The following MRTFA variants were observed in gnomAD, a reference collection of about 807,000 sequenced individuals.
MRTFA encodes the protein myocardin related transcription factor A, also known as myocardin-related transcription factor A.
In MRTFA, 20 loss-of-function variants were observed where a neutral mutation model predicts 83.5. The observed-to-expected ratio is 0.24, with a 90% CI of 0.17 to 0.35. The LOEUF is 0.35. MRTFA is among the 10% of genes least tolerant of loss of function. The pLI is 1.00. For missense variants in MRTFA, 1,200 were observed against 1,224.7 expected, an observed-to-expected ratio of 0.98 and a Z score of 0.30; for synonymous variants, 659 against 541.2, an observed-to-expected ratio of 1.22 and a Z score of -3.02.
chr22:40,584,558 GA>G (rs1044470796), intron 2 of MRTFA, among the ~76,000 whole-genome samples: 1 of 152,020 alleles, frequency 6.6e-6, no homozygotes, highest in Non-Finnish European at 1.5e-5. Context: ...CCAACATGGA[GA>G]AAACCTGTCT....
chr22:40,491,008 T>A (rs1569294411), intron 3 of MRTFA, among the ~76,000 whole-genome samples: 1 of 152,158 alleles, frequency 6.6e-6, no homozygotes, highest in Non-Finnish European at 1.5e-5. Flanking sequence ...CTCAAATGTG[T>A]CCATTCTACT....
At chr22:40,457,155 AG>A (rs1372061823) in intron 4 of MRTFA, among the ~76,000 whole-genome samples, 1 of 152,168 alleles carries the variant, frequency 6.6e-6, no homozygotes, top group Non-Finnish European at 1.5e-5. Context: ...ACCTGAGGTC[AG>A]GAGTTCAAGA....
In MRTFA at chr22:40,417,463, C is replaced by A. The variant is rs748963482; in HGVS notation, c.2395G>T (p.Ala799Ser). Reference sequence around the variant, plus strand: ...TCCAGGTCCATCTGGGCAGAGGGGGCAGGCGCTGGAGAGCCAGGCTGGGAC... The same window carrying A: ...TCCAGGTCCATCTGGGCAGAGGGGGAAGGCGCTGGAGAGCCAGGCTGGGAC... Residue 799 changes from alanine (A) to serine (S), a missense_variant, in exon 13 of 15, where the codon GCC becomes TCC. Ala to Ser is a moderately conservative substitution (Grantham distance 99, BLOSUM62 1). This residue lies in a region of MRTFA where 1,107 missense variants were observed against 1,041.8 expected (regional missense o/e 1.06). Coordinates refer to ENST00000355630, the MANE Select transcript of MRTFA (RefSeq NM_020831.6). 1.3e-6 allele frequency: 2 copies of A among 1,595,748 alleles called. No homozygotes were observed. The highest frequency in any genetic ancestry group is 2.3e-5 in the South Asian group (2 of 88,726).
chr22:40,431,594 CACA>C, intron 5 of MRTFA, 114 bp from the exon 6 acceptor site: 1 of 948,936 alleles, frequency 1.1e-6, no homozygotes, highest in South Asian at 1.4e-5. Flanking sequence ...CTGCAGTTCC[CACA>C]ACCTTAACTT....
intron 3 of MRTFA, among the ~76,000 whole-genome samples, chr22:40,541,736 G>A (rs533087746): frequency 2.0e-5 from 3 of 152,084 alleles, no homozygotes; most frequent in Non-Finnish European, 2.9e-5. Flanking sequence ...GCGCGGTCTC[G>A]GCTCACTGTA....
intron 14 of MRTFA, among the ~76,000 whole-genome samples, chr22:40,413,192 C>T (rs947015569): frequency 6.0e-5 from 9 of 148,986 alleles, no homozygotes; most frequent in African/African-American, 2.2e-4. Flanking sequence ...CACAGTGGCT[C>T]ACACCTGTCA....
chr22:40,411,559 A>G lies in MRTFA; in HGVS notation c.2927T>C (p.Met976Thr), dbSNP rs1326313560. The G allele has an allele frequency of 1.2e-6, 2 of 1,613,708 alleles. No homozygotes were observed. The highest frequency in any genetic ancestry group is 1.7e-6 in the Non-Finnish European group (2 of 1,179,946). Reference sequence around the variant, plus strand: ...GTGGCCATCAGCCAGGTCCAGGCCCATGGTGCTGCTGGGCTCAGGAACAAA... The same window carrying G: ...GTGGCCATCAGCCAGGTCCAGGCCCGTGGTGCTGCTGGGCTCAGGAACAAA... Residue 976 changes from methionine to threonine, a missense_variant, in exon 15 of 15, where the codon ATG (methionine) becomes ACG (threonine). This residue lies in a region of MRTFA where 1,107 missense variants were observed against 1,041.8 expected (regional missense o/e 1.06). Coordinates refer to ENST00000355630, the MANE Select transcript of MRTFA (RefSeq NM_020831.6).
intron 3 of MRTFA, among the ~76,000 whole-genome samples, chr22:40,499,076 A>G (rs1003524274): frequency 6.6e-6 from 1 of 152,212 alleles, no homozygotes; most frequent in Non-Finnish European, 1.5e-5. Flanking sequence ...TTCACAGGGT[A>G]GAAAAAAAGG....
At chr22:40,625,789 A>AAAAT (rs1214886954) in intron 1 of MRTFA, among the ~76,000 whole-genome samples, 1 of 152,162 alleles carries the variant, frequency 6.6e-6, no homozygotes, top group African/African-American at 2.4e-5. Context: ...CTCATAAATG[A>AAAAT]AAATAAATAA....
At chr22:40,575,743 T>C (rs752697027) in intron 2 of MRTFA, among the ~76,000 whole-genome samples, 4 of 152,222 alleles carry the variant, frequency 2.6e-5, no homozygotes, top group Non-Finnish European at 2.9e-5. Flanking sequence ...TATATGACCA[T>C]AGGTTATTAG....
chr22:40,596,262 G>A (rs903149345), intron 1 of MRTFA, among the ~76,000 whole-genome samples: 2 of 152,058 alleles, frequency 1.3e-5, no homozygotes, highest in Non-Finnish European at 2.9e-5. Flanking sequence ...AGCTCAGTTG[G>A]AAGAAGAAAG....
intron 3 of MRTFA, chr22:40,533,529 G>C: frequency 9.6e-7 from 1 of 1,042,654 alleles, no homozygotes; most frequent in Non-Finnish European, 1.2e-6. Flanking sequence ...AGAAGCCTGT[G>C]GCAAATAAGA....
intron 4 of MRTFA, among the ~76,000 whole-genome samples, chr22:40,442,875 A>G (rs560644837): frequency 1.3e-5 from 2 of 152,324 alleles, no homozygotes; most frequent in African/African-American, 4.8e-5. Flanking sequence ...TCAAAGAACT[A>G]CAAGTAGTTT....
intron 2 of MRTFA, among the ~76,000 whole-genome samples, chr22:40,589,769 C>T (rs574272335): frequency 6.6e-6 from 1 of 152,248 alleles, no homozygotes; most frequent in South Asian, 2.1e-4. Flanking sequence ...TGGCTCACAC[C>T]TTTAATCCCA....
intron 2 of MRTFA, among the ~76,000 whole-genome samples, chr22:40,573,069 A>C (rs1448686911): frequency 6.6e-6 from 1 of 152,188 alleles, no homozygotes; most frequent in East Asian, 1.9e-4. Context: ...AGAATGGGTA[A>C]ATCCACAGAG....
intron 1 of MRTFA, among the ~76,000 whole-genome samples, chr22:40,612,507 A>G (rs771663229): frequency 3.3e-5 from 5 of 152,244 alleles, no homozygotes; most frequent in Non-Finnish European, 7.3e-5. Context: ...TGTTTAGTCC[A>G]CAGAGTATTG....
chr22:40,607,196 C>T (rs1051476888), intron 1 of MRTFA, among the ~76,000 whole-genome samples: 1 of 152,142 alleles, frequency 6.6e-6, no homozygotes, highest in Non-Finnish European at 1.5e-5. Context: ...CCTGGTGTCA[C>T]GTTTGCTAAG....
chr22:40,519,540 T>C (rs867148529), intron 3 of MRTFA: 4 of 1,350,962 alleles, frequency 3.0e-6, no homozygotes, highest in Non-Finnish European at 2.9e-6. Flanking sequence ...GTGTCCAAAC[T>C]GGCTCAAAGC....
At chr22:40,493,993 A>G (rs1046825348) in intron 3 of MRTFA, among the ~76,000 whole-genome samples, 3 of 152,208 alleles carry the variant, frequency 2.0e-5, no homozygotes, top group Non-Finnish European at 4.4e-5. Flanking sequence ...AGGGGAATGA[A>G]GCAGGTAATT....
Sources: allele counts gnomAD v4.1 joint callset (sites outside exome capture counted in the v4.1 genomes callset), GRCh38; gene constraint gnomAD v4.1.1; regional missense constraint gnomAD v4.1.1; transcripts MANE v1.5; gene names NCBI Gene and HGNC (gene_info 2026-07-23, HGNC 2026-07-21).